RBFOX1: variants seen among roughly 807,000 people sequenced by gnomAD.
The protein encoded by RBFOX1 is RNA binding fox-1 homolog 1.
Under a neutral mutation model 57.7 loss-of-function variants are expected in RBFOX1, and 8 were observed. That is an observed-to-expected ratio of 0.14 (90% confidence interval 0.08 to 0.25). RBFOX1 has a LOEUF of 0.25. Among genes scored for constraint, RBFOX1 ranks in the 10% least tolerant of loss-of-function variants. The pLI is 1.00. For synonymous variants in RBFOX1, 326 were observed against 222.4 expected, an observed-to-expected ratio of 1.47 and a Z score of -4.15; for missense variants, 611 against 548.5, an observed-to-expected ratio of 1.11 and a Z score of -1.14.
chr16:5,442,028 C>T (rs1031267130), intron 1 of RBFOX1, among the ~76,000 whole-genome samples: 2 of 152,020 alleles, frequency 1.3e-5, no homozygotes, highest in South Asian at 2.1e-4. Context: ...TTCCTATGAC[C>T]GGGGAGATAG....
At chr16:5,529,637 G>A (rs1242464580) in intron 2 of RBFOX1, among the ~76,000 whole-genome samples, 1 of 150,776 alleles carries the variant, frequency 6.6e-6, no homozygotes. Flanking sequence ...TGCAATTTTG[G>A]CTCACTGCAA....
chr16:6,616,021 A>G (rs1425341190), intron 2 of RBFOX1, among the ~76,000 whole-genome samples: 2 of 152,174 alleles, frequency 1.3e-5, no homozygotes, highest in Non-Finnish European at 2.9e-5. Flanking sequence ...ACGCAGGGAC[A>G]CTGCCCAGTT....
chr16:6,619,519 G>C (rs2098194767), intron 2 of RBFOX1, among the ~76,000 whole-genome samples: 1 of 151,980 alleles, frequency 6.6e-6, no homozygotes, highest in Non-Finnish European at 1.5e-5. Flanking sequence ...TTAGTTAGGA[G>C]AGGACTGTAA....
At chr16:6,232,032 G>C (rs964825907) in intron 1 of RBFOX1, among the ~76,000 whole-genome samples, 5 of 152,116 alleles carry the variant, frequency 3.3e-5, no homozygotes, top group Admixed American at 2.6e-4. Context: ...AATATACAAA[G>C]ACCAATATTT....
At chr16:7,452,140 A>C (rs2098870542) in intron 4 of RBFOX1, among the ~76,000 whole-genome samples, 1 of 152,236 alleles carries the variant, frequency 6.6e-6, no homozygotes, top group African/African-American at 2.4e-5. Flanking sequence ...GAACATCACT[A>C]CTTTATGATC....
At chr16:5,940,833 T>C (rs1308272779) in intron 4 of RBFOX1, among the ~76,000 whole-genome samples, 1 of 152,084 alleles carries the variant, frequency 6.6e-6, no homozygotes, top group Non-Finnish European at 1.5e-5. Flanking sequence ...GCATTTCCGC[T>C]TGGGATCTAG....
At chr16:5,634,151 A>C (rs1004861958) in intron 3 of RBFOX1, among the ~76,000 whole-genome samples, 1 of 152,226 alleles carries the variant, frequency 6.6e-6, no homozygotes, top group Admixed American at 6.5e-5. Flanking sequence ...GCACATAGCA[A>C]ATTCAGACTT....
chr16:6,117,595 G>A (rs562359483), intron 1 of RBFOX1, among the ~76,000 whole-genome samples: 10 of 152,352 alleles, frequency 6.6e-5, no homozygotes, highest in African/African-American at 1.9e-4. Context: ...GCCTTTTGCC[G>A]TGTGAAGACA....
At chr16:6,680,181 T>A (rs981248680) in intron 3 of RBFOX1, among the ~76,000 whole-genome samples, 2 of 151,998 alleles carry the variant, frequency 1.3e-5, no homozygotes, top group African/African-American at 4.8e-5. Flanking sequence ...GAATAGCAAT[T>A]TCGTATGGAG....
At chr16:7,528,778 A>G (rs1302634288) in intron 5 of RBFOX1, among the ~76,000 whole-genome samples, 1 of 152,186 alleles carries the variant, frequency 6.6e-6, no homozygotes, top group Non-Finnish European at 1.5e-5. Context: ...GGTGCATAGT[A>G]AGTTCCTATG....
At chr16:6,939,960 G>C (rs1393178715) in intron 3 of RBFOX1, among the ~76,000 whole-genome samples, 2 of 152,190 alleles carry the variant, frequency 1.3e-5, no homozygotes, top group African/African-American at 4.8e-5. Context: ...AATGACATGG[G>C]TGGAATTTAA....
intron 2 of RBFOX1, among the ~76,000 whole-genome samples, chr16:6,327,231 C>G (rs936328094): frequency 1.3e-5 from 2 of 152,068 alleles, no homozygotes; most frequent in Admixed American, 6.6e-5. Flanking sequence ...GTTTTTTATT[C>G]ATGTTGCTCT....
At chr16:6,266,301 A>C (rs1327963051) in intron 1 of RBFOX1, among the ~76,000 whole-genome samples, 1 of 152,234 alleles carries the variant, frequency 6.6e-6, no homozygotes, top group African/African-American at 2.4e-5. Flanking sequence ...GTCTGAGGTC[A>C]GTTGTTACTG....
At chr16:5,338,833 A>G (rs1465534604) in intron 1 of RBFOX1, among the ~76,000 whole-genome samples, 2 of 151,808 alleles carry the variant, frequency 1.3e-5, no homozygotes, top group African/African-American at 4.8e-5. Context: ...TTTTTTTTGT[A>G]TAGGTTGGGG....
intron 3 of RBFOX1, among the ~76,000 whole-genome samples, chr16:6,732,808 A>G (rs958511438): frequency 6.6e-6 from 1 of 152,188 alleles, no homozygotes. Flanking sequence ...AATGAGGTGG[A>G]GTTTTTTTGT....
intron 1 of RBFOX1, among the ~76,000 whole-genome samples, chr16:5,272,176 C>T (rs991467852): frequency 1.3e-5 from 2 of 152,098 alleles, no homozygotes; most frequent in Non-Finnish European, 2.9e-5. Context: ...TGACTATAGT[C>T]AATAATAAAG....
At chr16:6,720,341 T>C (rs1056160584) in intron 3 of RBFOX1, among the ~76,000 whole-genome samples, 2 of 152,162 alleles carry the variant, frequency 1.3e-5, no homozygotes, top group South Asian at 2.1e-4. Flanking sequence ...TCTGCCCTAA[T>C]TGAAAGTTTC....
At chr16:6,944,517 G>C (rs537190252) in intron 3 of RBFOX1, among the ~76,000 whole-genome samples, 56 of 152,220 alleles carry the variant, frequency 3.7e-4, no homozygotes, top group Non-Finnish European at 7.1e-4. Flanking sequence ...CAGAGTGATA[G>C]TAACCAGAAG....
rs113764388 is a variant in RBFOX1, at chr16:5,542,397, C to T, written c.259-56505C>T. Among the ~76,000 whole-genome samples, 440 of 151,410 alleles carry T rather than the reference C, an allele frequency of 2.9e-3. 4 individuals are homozygous for T. The highest frequency in any genetic ancestry group is 9.6e-3 in the African/African-American group (397 of 41,246). On this transcript the variant is annotated intron_variant, in intron 2 of 2. Transcript: ENST00000585867. ...CCGAGTAGCTGGGATTACAGGCATG[C>T]GCCACCATGCCTGGCTAATTTTTTT...
Sources: gnomAD v4.1 joint callset for allele counts (sites outside exome capture counted in the v4.1 genomes callset) on GRCh38, gnomAD v4.1.1 for gene constraint, MANE v1.5 for transcripts, NCBI Gene and HGNC (gene_info 2026-07-23, HGNC 2026-07-21) for gene names.